Variants in ZHX2 observed in about 807,000 individuals in gnomAD.
ZHX2 encodes the protein zinc fingers and homeoboxes 2, also known as zinc fingers and homeoboxes protein 2.
In ZHX2, 6 loss-of-function variants were observed where a neutral mutation model predicts 21.9. The ratio of observed to expected loss-of-function variants is 0.27; its 90% CI spans 0.15 to 0.54. The LOEUF (loss-of-function observed/expected upper bound fraction) is 0.54, where lower values mean the gene tolerates loss of function less well. ZHX2 is among the 20% of genes least tolerant of loss of function. The pLI is 0.95. For synonymous variants in ZHX2, 434 were observed against 437.1 expected (o/e 0.99, Z 0.09); for missense variants, 908 against 1,090.7 (o/e 0.83, Z 2.36).
chr8:122,813,196 CA>C (rs35396999), intron 1 of ZHX2, among the ~76,000 whole-genome samples: 27,400 of 96,312 alleles, frequency 0.28, 2,495 homozygotes, highest in East Asian at 0.36. Context: ...AACTCTGTCT[CA>C]AAAAAAAAAA....
chr8:122,804,323 G>C (rs1817782092), intron 1 of ZHX2, among the ~76,000 whole-genome samples: 1 of 152,122 alleles, frequency 6.6e-6, no homozygotes. Flanking sequence ...TGGTTAGGCT[G>C]GTTTCCAACT....
At chr8:122,819,894 T>G (rs1266341573) in intron 1 of ZHX2, among the ~76,000 whole-genome samples, 3 of 152,094 alleles carry the variant, frequency 2.0e-5, no homozygotes, top group African/African-American at 7.2e-5. Flanking sequence ...CTGCAGAAAA[T>G]ATCTGCTTGG....
At chr8:122,787,593 G>A (rs1292149437) in intron 1 of ZHX2, among the ~76,000 whole-genome samples, 1 of 152,266 alleles carries the variant, frequency 6.6e-6, no homozygotes, top group Admixed American at 6.5e-5. Flanking sequence ...TTCCTGTCAA[G>A]TTCAGGGTCA....
At chr8:122,870,638 C>CAAAAAA (rs59071295) in intron 2 of ZHX2, among the ~76,000 whole-genome samples, 29 of 63,878 alleles carry the variant, frequency 4.5e-4, no homozygotes, top group Non-Finnish European at 6.6e-4. Flanking sequence ...GTCTCTGTCT[C>CAAAAAA]AAAAAAAAAA....
chr8:122,795,745 C>T (rs1326950893), intron 1 of ZHX2, among the ~76,000 whole-genome samples: 2 of 152,180 alleles, frequency 1.3e-5, no homozygotes, highest in Non-Finnish European at 2.9e-5. Context: ...GAAATTAAGG[C>T]TTCAAAGAAA....
intron 2 of ZHX2, among the ~76,000 whole-genome samples, chr8:122,871,750 A>G (rs1169645227): frequency 6.0e-5 from 8 of 133,646 alleles, no homozygotes; most frequent in Admixed American, 2.3e-4. Context: ...AAAAAAAACT[A>G]TGTCTGGTAC....
At chr8:122,841,776 G>C (rs986811343) in intron 1 of ZHX2, among the ~76,000 whole-genome samples, 1 of 152,144 alleles carries the variant, frequency 6.6e-6, no homozygotes, top group African/African-American at 2.4e-5. Flanking sequence ...TCATGTATGT[G>C]ATTGTATTTG....
At chr8:122,878,015 G>C (rs771013370) in intron 2 of ZHX2, among the ~76,000 whole-genome samples, 1 of 152,170 alleles carries the variant, frequency 6.6e-6, no homozygotes, top group Non-Finnish European at 1.5e-5. Flanking sequence ...AGAGATTTCT[G>C]TTCCCTCCTA....
chr8:122,782,296 T>A lies in ZHX2; in HGVS notation c.-283+350T>A, dbSNP rs1392775189. On this transcript the variant is annotated intron_variant, in intron 1 of 3. Transcript: ENST00000314393. This position sits in a 1 kb window ranked among gnomAD's most constrained non-coding sequence, Gnocchi z 5.3. ...ATGTCTACGTTTCCCTATGTCGACA[T>A]AAGCCACAAAAAAATATGGCGTCCG... is the stretch of plus-strand genomic sequence containing the variant. 6.6e-6 allele frequency among the ~76,000 whole-genome samples: 1 copy of A among 151,952 alleles called. No homozygotes were observed. The highest frequency in any genetic ancestry group is 1.5e-5 in the Non-Finnish European group (1 of 67,960).
chr8:122,866,353 T>C (rs1819296659), intron 2 of ZHX2, among the ~76,000 whole-genome samples: 1 of 152,118 alleles, frequency 6.6e-6, no homozygotes, highest in East Asian at 1.9e-4. Flanking sequence ...TGGAGCATAT[T>C]TCAGATAAAA....
chr8:122,959,256 A>C (rs1813383394), intron 3 of ZHX2, among the ~76,000 whole-genome samples: 1 of 152,158 alleles, frequency 6.6e-6, no homozygotes. Flanking sequence ...TCAGAAAGGT[A>C]TTTTCCATGG....
chr8:122,912,622 G>A (rs187310148), intron 2 of ZHX2, among the ~76,000 whole-genome samples: 480 of 152,232 alleles, frequency 3.2e-3, no homozygotes, highest in South Asian at 0.015. Flanking sequence ...TAAATGCCTG[G>A]TCTCCTAATC....
chr8:122,847,747 C>T (rs940589844), intron 1 of ZHX2, among the ~76,000 whole-genome samples: 3 of 152,204 alleles, frequency 2.0e-5, no homozygotes, highest in Non-Finnish European at 2.9e-5. Flanking sequence ...GTTCCTGGAA[C>T]GCCTGAGAGT....
At chr8:122,797,039 A>T (rs968291720) in intron 1 of ZHX2, among the ~76,000 whole-genome samples, 3 of 152,160 alleles carry the variant, frequency 2.0e-5, no homozygotes, top group African/African-American at 7.2e-5. Flanking sequence ...GTTTGGAGAA[A>T]AGTATTTTGG....
intron 2 of ZHX2, among the ~76,000 whole-genome samples, chr8:122,887,067 G>A (rs1294141808): frequency 6.6e-6 from 1 of 151,400 alleles, no homozygotes; most frequent in Non-Finnish European, 1.5e-5. Flanking sequence ...GTGTGTGTGT[G>A]TGTGTGTGTG....
At chr8:122,885,555 G>A (rs758961788) in intron 2 of ZHX2, among the ~76,000 whole-genome samples, 6 of 152,186 alleles carry the variant, frequency 3.9e-5, no homozygotes, top group Non-Finnish European at 5.9e-5. Context: ...TTTAACAGTG[G>A]TTCTCAGTAG....
At chr8:122,804,914 A>G (rs545588927) in intron 1 of ZHX2, among the ~76,000 whole-genome samples, 1 of 152,330 alleles carries the variant, frequency 6.6e-6, no homozygotes, top group African/African-American at 2.4e-5. Context: ...CCTTGTGCAC[A>G]CAGCGGCCAC....
chr8:122,849,501 G>A (rs767795349), intron 1 of ZHX2, among the ~76,000 whole-genome samples: 1 of 152,140 alleles, frequency 6.6e-6, no homozygotes, highest in East Asian at 1.9e-4. Flanking sequence ...CCCTCTGAAG[G>A]CTCTAGGGAA....
intron 1 of ZHX2, among the ~76,000 whole-genome samples, chr8:122,795,116 G>T (rs533224962): frequency 5.9e-5 from 9 of 152,338 alleles, no homozygotes; most frequent in Non-Finnish European, 1.3e-4. Context: ...ATGACTGGAT[G>T]GTTATATGAA....
Sources: gnomAD v4.1 joint callset for allele counts (sites outside exome capture counted in the v4.1 genomes callset) on GRCh38, gnomAD v4.1.1 for gene constraint, Gnocchi (gnomAD v3.1) non-coding constraint, MANE v1.5 for transcripts, NCBI Gene and HGNC (gene_info 2026-07-23, HGNC 2026-07-21) for gene names.